ADAMTS5: variants seen among roughly 807,000 people sequenced by gnomAD.
ADAMTS5 encodes the protein A disintegrin and metalloproteinase with thrombospondin motifs 5.
A neutral mutation model predicts 81.4 loss-of-function variants in ADAMTS5; 54 were observed. The observed-to-expected ratio is 0.66, with a 90% CI of 0.53 to 0.83. The LOEUF (loss-of-function observed/expected upper bound fraction) is 0.83. ADAMTS5 is among the 40% of genes least tolerant of loss of function. ADAMTS5 has a pLI of 0.00. For synonymous variants in ADAMTS5, 532 were observed against 508.8 expected, an observed-to-expected ratio of 1.05 and a Z score of -0.61; for missense variants, 1,194 against 1,229.9, an observed-to-expected ratio of 0.97 and a Z score of 0.44.
At chr21:26,926,015 G>T (rs1431994990) in intron 7 of ADAMTS5, among the ~76,000 whole-genome samples, 1 of 152,222 alleles carries the variant, frequency 6.6e-6, no homozygotes, top group Non-Finnish European at 1.5e-5. Flanking sequence ...AACTATAGTG[G>T]CTTCAAAGAA....
intron 7 of ADAMTS5, among the ~76,000 whole-genome samples, chr21:26,924,866 A>T (rs1023949716): frequency 6.6e-6 from 1 of 152,184 alleles, no homozygotes; most frequent in African/African-American, 2.4e-5. Flanking sequence ...GATGCTAGCA[A>T]CCTGCCTTCA....
At chr21:26,962,927 A>G (rs1376647193) in intron 1 of ADAMTS5, among the ~76,000 whole-genome samples, 2 of 152,092 alleles carry the variant, frequency 1.3e-5, no homozygotes, top group Non-Finnish European at 2.9e-5. Context: ...AATACTCTCA[A>G]ATGAATGCTG....
rs1371579603 is a variant in ADAMTS5 at position 26,920,515 on chromosome 21, A to T, written c.*3538T>A. Reference sequence around the variant, plus strand: ...AGACACTAGAGACTAAATGATATTAATTTTAGGAGGTGTTTCTAAAGGAGA... The same window carrying T: ...AGACACTAGAGACTAAATGATATTATTTTTAGGAGGTGTTTCTAAAGGAGA... On this transcript the variant is annotated 3_prime_UTR_variant, in exon 8 of 8. Coordinates refer to ENST00000284987, the MANE Select transcript of ADAMTS5 (RefSeq NM_007038.5). 5.3e-5 allele frequency: 8 copies of T among 152,096 alleles called. No individual in the cohort carries two copies. The highest frequency in any genetic ancestry group is 1.9e-4 in the African/African-American group (8 of 41,440). 9.4% of individuals were successfully genotyped at this position (152,096 alleles called of 1,614,324 possible).
rs1986758281 is a variant in ADAMTS5 at position 26,924,209 on chromosome 21, C to T, written c.2637G>A (p.Trp879Ter). Residue 879 changes from tryptophan to a stop codon, truncating the protein, a stop_gained, in exon 8 of 8, where the codon TGG (tryptophan) becomes TGA (stop). Transcript: ENST00000284987. LOFTEE classifies it high-confidence loss of function. Reference protein sequence around the residue: ...KVGSHTSQPQWVTGPWLACSR... With the variant: ...KVGSHTSQPQ ...AGCAGGCGAGCCATGGGCCCGTGAC[C>T]CACTGCGGCTGCGAAGTGTGTGATC... 1 of 1,614,062 alleles carries T rather than the reference C, an allele frequency of 6.2e-7. No homozygotes were observed. The highest frequency in any genetic ancestry group is 8.5e-7 in the Non-Finnish European group (1 of 1,180,034).
chr21:26,963,372 A>C lies in ADAMTS5; in HGVS notation c.1104+1916T>G, dbSNP rs539059463. Among the ~76,000 whole-genome samples, 35 of 152,122 alleles carry C rather than the reference A, an allele frequency of 2.3e-4. No homozygotes were observed. In the South Asian group the frequency reaches 7.1e-3, roughly 31 times the overall value. On this transcript the variant is annotated intron_variant, in intron 1 of 7. Transcript: ENST00000284987. The stretch of plus-strand genomic sequence containing the variant: ...ACTGAGTAGTTTCCTGTTTTCTGGG[A>C]AACAATTAGGAATGTTATGGGGCAG...
intron 1 of ADAMTS5, among the ~76,000 whole-genome samples, chr21:26,957,950 G>T (rs61258328): frequency 6.6e-6 from 1 of 152,160 alleles, no homozygotes; most frequent in African/African-American, 2.4e-5. Context: ...TAATACCCAA[G>T]ATCTACTGGG....
rs140877085 is a variant in ADAMTS5 at position 26,923,103 on chromosome 21, G to A, written c.*950C>T. 15 of 152,270 alleles carry A rather than the reference G, an allele frequency of 9.9e-5. No homozygotes were observed. The highest frequency in any genetic ancestry group is 5.2e-4 in the Admixed American group (8 of 15,304). The allele number at this position is 152,270 out of a possible 1,614,324, so 9.4% of individuals were successfully genotyped here. On this transcript the variant is annotated 3_prime_UTR_variant, in exon 8 of 8. Transcript: ENST00000284987. ...AGAAAACTTGCTGTGTGTTTTGTAC[G>A]TATATCATACATTGTGAGATATCAG... is the stretch of plus-strand genomic sequence containing the variant.
chr21:26,965,728 C>A lies in ADAMTS5; in HGVS notation c.664G>T (p.Ala222Ser), dbSNP rs750080053. The change falls in exon 1 of 8, where the codon GCT becomes TCT. Residue 222 changes from alanine to serine, a missense_variant. Physicochemically the swap from Ala to Ser is moderately conservative, Grantham distance 99 (BLOSUM62 1). Transcript: ENST00000284987. The part of the protein sequence containing the change: ...PASTPEAHEH[A>S]PAHSNPSGRA... The stretch of plus-strand genomic sequence containing the variant: ...CCGCTCGGGTTGCTGTGCGCCGGAG[C>A]ATGCTCGTGGGCCTCCGGTGTGGAC... The A allele has an allele frequency of 6.3e-7, 1 of 1,591,222 alleles. No homozygotes were observed. Among genetic ancestry groups the A allele is most frequent in the East Asian group, 2.3e-5 (1 of 43,354 alleles).
intron 7 of ADAMTS5, among the ~76,000 whole-genome samples, chr21:26,927,607 T>A (rs898892086): frequency 2.6e-5 from 4 of 152,108 alleles, no homozygotes; most frequent in Non-Finnish European, 5.9e-5. Context: ...AGGGGCCAGA[T>A]CTTTTAGCAC....
chr21:26,944,376 C>T (rs778861573), intron 2 of ADAMTS5, among the ~76,000 whole-genome samples: 1 of 152,152 alleles, frequency 6.6e-6, no homozygotes, highest in Non-Finnish European at 1.5e-5. Context: ...AGCCTCTCAA[C>T]CAACAATGTT....
At position 26,966,562 on chromosome 21, in the gene ADAMTS5, G is replaced by C. The variant is rs1031966602; in HGVS notation, c.-171C>G. 22 of 508,534 alleles carry C rather than the reference G, an allele frequency of 4.3e-5. No homozygotes were observed. Among genetic ancestry groups the C allele is most frequent in the Middle Eastern group, 5.6e-4 (1 of 1,790 alleles). The allele number at this position is 508,534 out of a possible 1,614,324, so 31.5% of individuals were successfully genotyped here. A position where few individuals can be genotyped will look rare whatever the true frequency, so the allele number is the denominator to read the frequency against. ...AGCAGCGCCAGCCTGTCCGGGCTGC[G>C]GTGCCAGCGTGCGAACTTTTCTTTG... On this transcript the variant is annotated 5_prime_UTR_variant, in exon 1 of 8. Transcript: ENST00000284987.
intron 1 of ADAMTS5, among the ~76,000 whole-genome samples, chr21:26,956,564 G>C (rs1362505449): frequency 6.6e-6 from 1 of 152,062 alleles, no homozygotes; most frequent in African/African-American, 2.4e-5. Flanking sequence ...ACATTTTTAA[G>C]CCCCTCCCCC....
chr21:26,933,870 A>T (rs898439491), intron 4 of ADAMTS5, among the ~76,000 whole-genome samples: 1 of 152,202 alleles, frequency 6.6e-6, no homozygotes, highest in African/African-American at 2.4e-5. Context: ...GGGACTTTGC[A>T]AATCTTGTGG....
rs1348315410 is a variant in ADAMTS5, at chr21:26,965,631, G to A, written c.761C>T (p.Thr254Met). 3 of 1,597,478 alleles carry A rather than the reference G, an allele frequency of 1.9e-6. No homozygotes were observed. The highest frequency in any genetic ancestry group is 1.1e-5 in the South Asian group (1 of 89,748). The change falls in exon 1 of 8, where the codon ACG becomes ATG. Residue 254 changes from threonine to methionine, a missense_variant. This residue lies in a region of ADAMTS5 where 498 missense variants were observed against 412.3 expected (regional missense o/e 1.21). Transcript: ENST00000284987. ...GGAGCGGCGCCGCCGCCGCCACCAC[G>A]TCTGCGGTCCTGAGCCCCCAGCGGG... ...LSPAGGSGPQ[T>M]WWRRRRRSIS...
chr21:26,935,841 TTC>T (rs1293326798), intron 3 of ADAMTS5, among the ~76,000 whole-genome samples: 1 of 152,200 alleles, frequency 6.6e-6, no homozygotes, highest in African/African-American at 2.4e-5. Context: ...TTCTGTATTT[TTC>T]TGTTTACTTT....
Position 26,922,103 on chromosome 21 carries a change from T to A in ADAMTS5, c.*1950A>T, listed in dbSNP as rs1986710404. ...TTTAACTAGGTTTGCTTTCTGCCCT[T>A]GGCATTGGGTGATCTCCATCACATA... On this transcript the variant is annotated 3_prime_UTR_variant, in exon 8 of 8. Transcript: ENST00000284987. 6.6e-6 allele frequency: 1 copy of A among 152,070 alleles called. No homozygotes were observed. The highest frequency in any genetic ancestry group is 1.5e-5 in the Non-Finnish European group (1 of 67,926). 9.4% of individuals were successfully genotyped at this position (152,070 alleles called of 1,614,324 possible).
chr21:26,930,020 G>C lies in ADAMTS5; in HGVS notation c.2091C>G (p.Val697=). 6.2e-7 allele frequency: 1 copy of C among 1,614,096 alleles called. No individual in the cohort carries two copies. The highest frequency in any genetic ancestry group is 8.5e-7 in the Non-Finnish European group (1 of 1,179,980). The part of the protein sequence containing the change: ...GTECRLYSNS[V]CVRGKCVRTG... ...TTCTCACACACTTCCCCCGGACGCA[G>C]ACGGAATTACTGTACAGCCTACATT... Residue 697 remains valine, a synonymous_variant, in exon 7 of 8, where the codon GTC becomes GTG. Transcript: ENST00000284987.
chr21:26,932,265 G>C (rs1298298649), intron 5 of ADAMTS5, 86 bp from the exon 6 acceptor site: 3 of 1,423,428 alleles, frequency 2.1e-6, no homozygotes, highest in Non-Finnish European at 2.8e-6. Flanking sequence ...AATTTTAAGG[G>C]GAAGATGCAA....
rs374504742 is a variant in ADAMTS5 at position 26,947,637 on chromosome 21, G to GT, written c.1238-4091dup. Among the ~76,000 whole-genome samples, 157 of 152,198 alleles carry GT rather than the reference G, an allele frequency of 1.0e-3. 1 individual carries two copies. The highest frequency in any genetic ancestry group is 3.6e-3 in the African/African-American group (148 of 41,548). On this transcript the variant is annotated intron_variant, in intron 2 of 7. Coordinates refer to ENST00000284987, the MANE Select transcript of ADAMTS5 (RefSeq NM_007038.5). ...TTCAGTAGAGACAGGGTTTCACCAT[G>GT]TTGGCCGGGGTGGTCTCGAACTCCT...
Sources: allele counts gnomAD v4.1 joint callset (sites outside exome capture counted in the v4.1 genomes callset), GRCh38; gene constraint gnomAD v4.1.1; regional missense constraint gnomAD v4.1.1; transcripts MANE v1.5; gene names NCBI Gene and HGNC (gene_info 2026-07-23, HGNC 2026-07-21).